Variants in PAWR observed in about 807,000 individuals in gnomAD.
The protein encoded by PAWR is pro-apoptotic WT1 regulator, also known as PRKC apoptosis WT1 regulator protein.
Under a neutral mutation model 32.0 loss-of-function variants are expected in PAWR, and 23 were observed. The observed-to-expected ratio is 0.72, with a 90% CI of 0.52 to 1.02. The LOEUF (loss-of-function observed/expected upper bound fraction) is 1.02, where lower values mean the gene tolerates loss of function less well. Ranked by LOEUF, PAWR falls within the 50% of genes least tolerant of loss-of-function variation. The pLI is 0.00. For synonymous variants in PAWR, 226 were observed against 187.1 expected (o/e 1.21, Z -1.70); for missense variants, 457 against 437.7 (o/e 1.04, Z -0.39).
intron 2 of PAWR, among the ~76,000 whole-genome samples, chr12:79,681,790 A>C (rs977601822): frequency 1.8e-4 from 27 of 152,162 alleles, no homozygotes; most frequent in African/African-American, 6.0e-4. Flanking sequence ...GGATATGGAG[A>C]AGTCTTTCAA....
At chr12:79,626,789 T>C (rs149830189) in intron 2 of PAWR, among the ~76,000 whole-genome samples, 2,651 of 152,052 alleles carry the variant, frequency 0.017, 30 homozygotes, top group Non-Finnish European at 0.028. Flanking sequence ...CTTTCCTGTG[T>C]CCATGTGTTC....
intron 2 of PAWR, chr12:79,668,262 T>G (rs767626753): frequency 2.0e-5 from 3 of 152,248 alleles, no homozygotes; most frequent in African/African-American, 7.2e-5. Context: ...CTTAAGTAAG[T>G]TGAATCATTT....
chr12:79,629,451 T>C (rs1043005981), intron 2 of PAWR, among the ~76,000 whole-genome samples: 1 of 152,062 alleles, frequency 6.6e-6, no homozygotes, highest in Non-Finnish European at 1.5e-5. Flanking sequence ...TTTAAAAATG[T>C]AGTCACCAAA....
At chr12:79,662,271 A>G (rs1372380838) in intron 2 of PAWR, among the ~76,000 whole-genome samples, 1 of 151,996 alleles carries the variant, frequency 6.6e-6, no homozygotes, top group East Asian at 1.9e-4. Flanking sequence ...AGGAAACAGT[A>G]ATATAAATCA....
chr12:79,632,132 CA>C (rs59152885), intron 2 of PAWR: 10,902 of 50,988 alleles, frequency 0.21, 1,427 homozygotes, highest in African/African-American at 0.52. Flanking sequence ...GACTCTGTCT[CA>C]AAAAAAAAAA....
intron 4 of PAWR, among the ~76,000 whole-genome samples, chr12:79,605,266 C>T (rs1282837735): frequency 1.3e-5 from 2 of 152,002 alleles, no homozygotes; most frequent in African/African-American, 2.4e-5. Context: ...ATATTCATTT[C>T]TGGTATATTA....
Position 79,587,805 on chromosome 12 carries a change from A to C in PAWR, c.*4802T>G, listed in dbSNP as rs1873428444. 1 of 152,026 alleles carries C rather than the reference A, an allele frequency of 6.6e-6. No individual in the cohort carries two copies. The highest frequency in any genetic ancestry group is 1.5e-5 in the Non-Finnish European group (1 of 67,876). 9.4% of individuals were successfully genotyped at this position (152,026 alleles called of 1,614,324 possible). ...AATAACCACTGTTGAAAAATAAATG[A>C]AAAAAATTTTATTGAGTATTACTTT... is the stretch of plus-strand genomic sequence containing the variant. On this transcript the variant is annotated 3_prime_UTR_variant, in exon 7 of 7. Transcript: ENST00000328827.
intron 4 of PAWR, among the ~76,000 whole-genome samples, chr12:79,609,454 G>A (rs569591072): frequency 6.6e-5 from 10 of 152,202 alleles, no homozygotes; most frequent in African/African-American, 2.2e-4. Context: ...GTGGCCCAAA[G>A]TGAGAACATG....
chr12:79,654,200 A>G (rs1222090300), intron 2 of PAWR, among the ~76,000 whole-genome samples: 1 of 152,334 alleles, frequency 6.6e-6, no homozygotes, highest in East Asian at 1.9e-4. Context: ...TAAATTTTAA[A>G]TGACTGCATT....
At chr12:79,603,665 C>CAATT (rs1565998443) in intron 4 of PAWR, 2 of 141,452 alleles carry the variant, frequency 1.4e-5, no homozygotes, top group African/African-American at 5.3e-5. Flanking sequence ...CATCATTATG[C>CAATT]TATTTTTTTT....
Position 79,591,463 on chromosome 12 carries a change from A to C in PAWR, c.*1144T>G, listed in dbSNP as rs1873552881. 1 of 152,222 alleles carries C rather than the reference A, an allele frequency of 6.6e-6. No individual in the cohort carries two copies. 9.4% of individuals were successfully genotyped at this position (152,222 alleles called of 1,614,324 possible). A position where few individuals can be genotyped will look rare whatever the true frequency, so the allele number is the denominator to read the frequency against. On this transcript the variant is annotated 3_prime_UTR_variant, in exon 7 of 7. Coordinates refer to ENST00000328827, the MANE Select transcript of PAWR (RefSeq NM_002583.4). ...AATGTCATAATTTTAATGTATTTTA[A>C]GGGAAGACGGGGTTCTTAACATGAA... is the stretch of plus-strand genomic sequence containing the variant.
At chr12:79,683,322 T>G (rs562032964) in intron 2 of PAWR, among the ~76,000 whole-genome samples, 6 of 152,240 alleles carry the variant, frequency 3.9e-5, no homozygotes, top group Non-Finnish European at 7.3e-5. Context: ...ATTTAATTCA[T>G]GTAACAATCC....
intron 2 of PAWR, among the ~76,000 whole-genome samples, chr12:79,669,349 G>A (rs1877771033): frequency 6.6e-6 from 1 of 152,084 alleles, no homozygotes; most frequent in Admixed American, 6.5e-5. Context: ...TACAGAGTAG[G>A]GCCATGTCTA....
intron 4 of PAWR, among the ~76,000 whole-genome samples, chr12:79,608,400 A>G (rs1188181677): frequency 3.3e-5 from 5 of 152,140 alleles, no homozygotes; most frequent in Non-Finnish European, 7.3e-5. Flanking sequence ...GGTCCCTCGC[A>G]TGAACAGTTC....
At chr12:79,638,714 C>T (rs931292069) in intron 2 of PAWR, among the ~76,000 whole-genome samples, 1 of 150,086 alleles carries the variant, frequency 6.7e-6, no homozygotes, top group Admixed American at 6.7e-5. Context: ...TTCCCTCAGC[C>T]CCACTCAGGG....
intron 2 of PAWR, among the ~76,000 whole-genome samples, chr12:79,630,545 T>G (rs1284498344): frequency 3.3e-5 from 5 of 152,138 alleles, no homozygotes; most frequent in Non-Finnish European, 1.5e-5. Flanking sequence ...TCAAGCAATC[T>G]ATCTGCCTTG....
At position 79,600,480 on chromosome 12, in the gene PAWR, G is replaced by C. The variant is rs553803784; in HGVS notation, c.684-3822C>G. On this transcript the variant is annotated intron_variant, in intron 4 of 6. Coordinates refer to ENST00000328827, the MANE Select transcript of PAWR (RefSeq NM_002583.4). ...AAAAATAAATGCTTTGCTTTTTTGG[G>C]GGGGCGGGGGGAGATAGGGTCTTGC... 6.6e-5 allele frequency among the ~76,000 whole-genome samples: 10 copies of C among 151,454 alleles called. No individual in the cohort carries two copies. The South Asian group carries it at 1.5e-3, about 22-fold the overall frequency.
At chr12:79,688,911 G>C (rs1228364873) in intron 2 of PAWR, among the ~76,000 whole-genome samples, 1 of 152,152 alleles carries the variant, frequency 6.6e-6, no homozygotes, top group Non-Finnish European at 1.5e-5. Context: ...TCTTGTTTCT[G>C]GTAGAGGGAG....
chr12:79,600,737 C>T (rs531642936), intron 4 of PAWR, among the ~76,000 whole-genome samples: 29 of 148,488 alleles, frequency 2.0e-4, no homozygotes, highest in Non-Finnish European at 4.1e-4. Flanking sequence ...TATCCTCCTG[C>T]CTTGGTCTTG....
Sources: gnomAD v4.1 joint callset for allele counts (sites outside exome capture counted in the v4.1 genomes callset) on GRCh38, gnomAD v4.1.1 for gene constraint, MANE v1.5 for transcripts, NCBI Gene and HGNC (gene_info 2026-07-23, HGNC 2026-07-21) for gene names.